C9orf72: variants seen among roughly 807,000 people sequenced by gnomAD.
C9orf72 encodes the protein guanine nucleotide exchange factor C9orf72.
In C9orf72, 44 loss-of-function variants were observed where a neutral mutation model predicts 51.6. The observed-to-expected ratio is 0.85, with a 90% CI of 0.67 to 1.10. The LOEUF is 1.10. Ranked by LOEUF, C9orf72 falls within the 50% of genes least tolerant of loss-of-function variation. C9orf72 has a pLI of 0.00. For missense variants in C9orf72, 607 were observed against 570.6 expected, an observed-to-expected ratio of 1.06 and a Z score of -0.65; for synonymous variants, 213 against 194.2, an observed-to-expected ratio of 1.10 and a Z score of -0.81.
intron 8 of C9orf72, among the ~76,000 whole-genome samples, chr9:27,551,483 T>G (rs1820907832): frequency 6.6e-6 from 1 of 152,202 alleles, no homozygotes; most frequent in African/African-American, 2.4e-5. Flanking sequence ...AGAGAACATT[T>G]AGTAAGAGGA....
chr9:27,572,216 A>T (rs1819601909), intron 1 of C9orf72, among the ~76,000 whole-genome samples: 1 of 152,154 alleles, frequency 6.6e-6, no homozygotes, highest in East Asian at 1.9e-4. Context: ...GAATGTGGTA[A>T]TTACTCTCGT....
chr9:27,562,437 G>C lies in C9orf72; in HGVS notation c.544C>G (p.Pro182Ala). 1 of 1,594,790 alleles carries C rather than the reference G, an allele frequency of 6.3e-7. No individual in the cohort carries two copies. Among genetic ancestry groups the C allele is most frequent in the Non-Finnish European group, 8.5e-7 (1 of 1,169,906 alleles). The change falls in exon 4 of 11, where the codon CCT becomes GCT. Residue 182 changes from proline to alanine, a missense_variant. By Grantham distance (27) the Pro-to-Ala change is conservative (BLOSUM62 -1). Transcript: ENST00000380003. ...IIPMLTGEVI[P>A]VMELLSSMKS... ...ATAGATGAAAGCAGTTCCATTACAG[G>C]AATCACTTCTCCAGTAAGCATTGGA...
chr9:27,560,745 A>G, intron 5 of C9orf72: 1 of 985,838 alleles, frequency 1.0e-6, no homozygotes, highest in Non-Finnish European at 1.2e-6. Context: ...ATACTCCATC[A>G]TGAGCCTAAA....
At chr9:27,557,632 T>A (rs1819237228) in intron 7 of C9orf72, among the ~76,000 whole-genome samples, 1 of 152,094 alleles carries the variant, frequency 6.6e-6, no homozygotes, top group Non-Finnish European at 1.5e-5. Flanking sequence ...AACAAAAGTA[T>A]TAAGCACTTT....
intron 8 of C9orf72, among the ~76,000 whole-genome samples, chr9:27,552,094 C>T (rs866723928): frequency 1.3e-5 from 2 of 152,272 alleles, no homozygotes; most frequent in Middle Eastern, 3.4e-3. Flanking sequence ...TGCCTGCAAA[C>T]AGAAATAGTT....
Position 27,570,650 on chromosome 9 carries a change from G to A in C9orf72, c.-45+2781C>T, listed in dbSNP as rs547226772. 8.5e-5 allele frequency among the ~76,000 whole-genome samples: 13 copies of A among 152,206 alleles called. No individual in the cohort carries two copies. In the East Asian group the frequency reaches 2.1e-3, roughly 25 times the overall value. On this transcript the variant is annotated intron_variant, in intron 1 of 10. Transcript: ENST00000380003. ...GTAGGCCGAGGCAGGTGGATCACCT[G>A]AGGTCAGGAGCTCAAGACCAGCCTG... is the stretch of plus-strand genomic sequence containing the variant.
intron 2 of C9orf72, 137 bp downstream of exon 2, chr9:27,566,540 T>C (rs1249351369): frequency 1.1e-5 from 7 of 630,394 alleles, no homozygotes; most frequent in South Asian, 4.5e-5. Context: ...TTGTATCTAA[T>C]AGGGTAAATG....
chr9:27,567,823 T>C (rs1412230727), intron 1 of C9orf72, among the ~76,000 whole-genome samples: 1 of 151,956 alleles, frequency 6.6e-6, no homozygotes, highest in Admixed American at 6.6e-5. Context: ...AGGCAGATAC[T>C]GGATTGTTGA....
intron 6 of C9orf72, chr9:27,558,844 T>G (rs898754208): frequency 2.7e-5 from 10 of 374,490 alleles, no homozygotes; most frequent in Non-Finnish European, 4.4e-5. Context: ...TCAAAACCTT[T>G]AACATTTGGC....
At chr9:27,560,764 CTG>C (rs1188358943) in intron 5 of C9orf72, 1 of 985,216 alleles carries the variant, frequency 1.0e-6, no homozygotes, top group Non-Finnish European at 1.2e-6. Flanking sequence ...AAGGAAAAGA[CTG>C]TGAACATAAA....
At chr9:27,569,083 TA>T (rs1008354182) in intron 1 of C9orf72, among the ~76,000 whole-genome samples, 10 of 145,514 alleles carry the variant, frequency 6.9e-5, no homozygotes, top group South Asian at 2.2e-4. Context: ...GACTAACAAG[TA>T]AAAAAAAAAA....
At chr9:27,560,342 C>G in intron 5 of C9orf72, 43 bp from the exon 6 acceptor site, 1 of 1,481,500 alleles carries the variant, frequency 6.7e-7, no homozygotes, top group African/African-American at 1.4e-5. Context: ...GCCTATAAAA[C>G]AATTTAACAA....
intron 4 of C9orf72, 72 bp downstream of exon 4, chr9:27,562,309 T>C: frequency 1.9e-6 from 1 of 540,522 alleles, no homozygotes. Flanking sequence ...ATTAGAATAT[T>C]AATAATATAC....
chr9:27,571,843 G>GC (rs1819592805), intron 1 of C9orf72, among the ~76,000 whole-genome samples: 2 of 152,226 alleles, frequency 1.3e-5, no homozygotes, highest in Non-Finnish European at 2.9e-5. Flanking sequence ...AACAGGAGCT[G>GC]CCCAGGACCA....
chr9:27,570,449 T>G (rs1587323223), intron 1 of C9orf72, among the ~76,000 whole-genome samples: 1 of 152,278 alleles, frequency 6.6e-6, no homozygotes, highest in East Asian at 1.9e-4. Context: ...AAAATAAAAG[T>G]ATTTCCTAAA....
rs1385933814 is a variant in C9orf72, at chr9:27,547,446, G to A, written c.*790C>T. On this transcript the variant is annotated 3_prime_UTR_variant, in exon 11 of 11. Transcript: ENST00000380003. ...TCTAAGGAGAAAAAAGGCACAGGAG[G>A]TGCACATTTCAATTTGGCTCAAAAA... is the stretch of plus-strand genomic sequence containing the variant. 2.6e-5 allele frequency: 4 copies of A among 152,700 alleles called. No homozygotes were observed. The highest frequency in any genetic ancestry group is 3.9e-4 in the East Asian group (2 of 5,188). 9.5% of individuals were successfully genotyped at this position (152,700 alleles called of 1,614,324 possible). A position where few individuals can be genotyped will look rare whatever the true frequency, so the allele number is the denominator to read the frequency against.
rs556983155 is a variant in C9orf72, at chr9:27,556,588, T to C, written c.1064A>G (p.Tyr355Cys). 1 of 1,613,616 alleles carries C rather than the reference T, an allele frequency of 6.2e-7. No homozygotes were observed. Among genetic ancestry groups the C allele is most frequent in the Non-Finnish European group, 8.5e-7 (1 of 1,179,556 alleles). The change falls in exon 8 of 11, where the codon TAC becomes TGC. Residue 355 changes from tyrosine to cysteine, a missense_variant. Transcript: ENST00000380003. ...EEDMAQDTII[Y>C]TDESFTPDLN... The stretch of plus-strand genomic sequence containing the variant: ...ATCAGGAGTAAAGCTTTCGTCAGTG[T>C]AGATGATCGTATCCTGAGCCATGTC...
At chr9:27,565,662 T>C in intron 2 of C9orf72, 72 bp from the exon 3 acceptor site, 2 of 938,730 alleles carry the variant, frequency 2.1e-6, no homozygotes, top group South Asian at 1.4e-5. Flanking sequence ...TCAATAGACA[T>C]GTTCTTGTGT....
intron 3 of C9orf72, 25 bp from the exon 4 acceptor site, chr9:27,562,501 G>C: frequency 8.0e-7 from 1 of 1,254,930 alleles, no homozygotes; most frequent in Non-Finnish European, 1.1e-6. Context: ...GACATGAAGT[G>C]AAGAAAATCA....
Sources: gnomAD v4.1 joint callset for allele counts (sites outside exome capture counted in the v4.1 genomes callset) on GRCh38, gnomAD v4.1.1 for gene constraint, MANE v1.5 for transcripts, NCBI Gene and HGNC (gene_info 2026-07-23, HGNC 2026-07-21) for gene names.